Variants in OR3A2 observed in about 807,000 individuals in gnomAD.
OR3A2 encodes the protein olfactory receptor family 3 subfamily A member 2, also known as olfactory receptor 3A2.
For synonymous variants in OR3A2, 126 were observed against 159.3 expected (o/e 0.79, Z 1.57); for missense variants, 318 against 392.8 (o/e 0.81, Z 1.61).
At chr17:3,343,042 T>C (rs2049333238) in intron 2 of OR3A2, among the ~76,000 whole-genome samples, 1 of 152,224 alleles carries the variant, frequency 6.6e-6, no homozygotes, top group Non-Finnish European at 1.5e-5. Flanking sequence ...CAAGGCTCCG[T>C]GGGCATGGGA....
chr17:3,317,713 T>C (rs1341736491), intron 3 of OR3A2, among the ~76,000 whole-genome samples: 1 of 152,186 alleles, frequency 6.6e-6, no homozygotes, highest in East Asian at 1.9e-4. Flanking sequence ...ACAAGTATAG[T>C]GTAGAACATG....
chr17:3,326,669 T>C (rs1164179725), intron 3 of OR3A2, among the ~76,000 whole-genome samples: 1 of 149,210 alleles, frequency 6.7e-6, no homozygotes. Context: ...CGTCATCTAG[T>C]ATTAGGTATA....
intron 2 of OR3A2, among the ~76,000 whole-genome samples, chr17:3,354,098 T>C (rs537259094): frequency 2.0e-5 from 3 of 151,988 alleles, no homozygotes; most frequent in East Asian, 3.9e-4. Context: ...TTGTTGAAGA[T>C]TTCTGCACCA....
chr17:3,307,159 G>T (rs1184291330), intron 3 of OR3A2, among the ~76,000 whole-genome samples: 1 of 152,178 alleles, frequency 6.6e-6, no homozygotes, highest in Non-Finnish European at 1.5e-5. Context: ...ACAGAGGAAG[G>T]CCTCCTAGCC....
intron 3 of OR3A2, among the ~76,000 whole-genome samples, chr17:3,307,142 T>G (rs550466349): frequency 6.6e-6 from 1 of 152,312 alleles, no homozygotes; most frequent in East Asian, 1.9e-4. Flanking sequence ...TGGATTGCTA[T>G]GGGAAGACAG....
chr17:3,305,241 A>G (rs140795198), intron 3 of OR3A2, among the ~76,000 whole-genome samples: 1 of 151,414 alleles, frequency 6.6e-6, no homozygotes, highest in African/African-American at 2.4e-5. Flanking sequence ...GTGGAGAGGT[A>G]TGTCTTCGTT....
At chr17:3,347,814 C>T (rs563864903) in intron 2 of OR3A2, among the ~76,000 whole-genome samples, 2 of 152,202 alleles carry the variant, frequency 1.3e-5, no homozygotes, top group East Asian at 1.9e-4. Context: ...CCTGAGGAAT[C>T]GTCACACTGA....
At chr17:3,372,993 T>C (rs2049646123) in intron 2 of OR3A2, among the ~76,000 whole-genome samples, 1 of 152,132 alleles carries the variant, frequency 6.6e-6, no homozygotes, top group South Asian at 2.1e-4. Flanking sequence ...GAAGCTTTCA[T>C]AGGTTGTGTC....
At chr17:3,319,466 G>C (rs1159521949) in intron 3 of OR3A2, among the ~76,000 whole-genome samples, 1 of 151,914 alleles carries the variant, frequency 6.6e-6, no homozygotes, top group Non-Finnish European at 1.5e-5. Flanking sequence ...ATGTTGGTGT[G>C]CTGCACCCAT....
chr17:3,384,982 G>A (rs981284957), intron 1 of OR3A2, among the ~76,000 whole-genome samples: 2 of 152,002 alleles, frequency 1.3e-5, no homozygotes, highest in African/African-American at 4.8e-5. Flanking sequence ...ACCTGAGATC[G>A]GGAGTTCGAG....
At chr17:3,377,784 T>C (rs1173581236) in intron 2 of OR3A2, among the ~76,000 whole-genome samples, 2 of 152,134 alleles carry the variant, frequency 1.3e-5, no homozygotes, top group African/African-American at 4.8e-5. Context: ...AAATTAAAAA[T>C]TGATAATACC....
In OR3A2 at chr17:3,355,405, T is replaced by C. The variant is rs531100049; in HGVS notation, c.-178-19279A>G. Among the ~76,000 whole-genome samples, 299 of 149,670 alleles carry C rather than the reference T, an allele frequency of 2.0e-3. 1 individual carries two copies. The highest frequency in any genetic ancestry group is 2.9e-3 in the Admixed American group (44 of 14,988). On this transcript the variant is annotated intron_variant, in intron 2 of 4. Transcript: ENST00000573491. The stretch of plus-strand genomic sequence containing the variant: ...GCACTGAAAGTGGGGTATTGAAGTC[T>C]CCCACTATTATCATGTTGGCATTTC...
intron 2 of OR3A2, among the ~76,000 whole-genome samples, chr17:3,366,357 G>C (rs767675354): frequency 6.6e-6 from 1 of 152,118 alleles, no homozygotes; most frequent in Non-Finnish European, 1.5e-5. Flanking sequence ...CCTTTAGCTT[G>C]ATGCAAAAAT....
intron 2 of OR3A2, among the ~76,000 whole-genome samples, chr17:3,350,183 A>G (rs983170112): frequency 6.6e-6 from 1 of 152,004 alleles, no homozygotes; most frequent in African/African-American, 2.4e-5. Context: ...AACTAAAATC[A>G]GAGCAGAACT....
At position 3,361,836 on chromosome 17, in the gene OR3A2, T is replaced by A. The variant is rs548519843; in HGVS notation, c.-179+21968A>T. Among the ~76,000 whole-genome samples the A allele has an allele frequency of 2.7e-4, 41 of 151,660 alleles. 1 individual carries two copies. The highest frequency in any genetic ancestry group is 4.1e-4 in the Non-Finnish European group (28 of 68,012). Reference sequence around the variant, plus strand: ...GGTTTGCCAGTATTTTATTGAGGATTTTTGCATTGATGTTCATCAGGGATA... The same window carrying A: ...GGTTTGCCAGTATTTTATTGAGGATATTTGCATTGATGTTCATCAGGGATA... On this transcript the variant is annotated intron_variant, in intron 2 of 4. Coordinates refer to the OR3A2 transcript ENST00000573491.
In OR3A2 at chr17:3,278,648, G is replaced by GGAAAAGA. The variant is rs2048758089; in HGVS notation, c.269_270insTCTTTTC (p.His91LeufsTer10). 1 of 1,499,004 alleles carries GGAAAAGA rather than the reference G, an allele frequency of 6.7e-7. No individual in the cohort carries two copies. The highest frequency in any genetic ancestry group is 2.3e-5 in the East Asian group (1 of 43,288). 92.9% of individuals were successfully genotyped at this position (1,499,004 alleles called of 1,614,324 possible). Reference sequence around the variant, plus strand: ...CGTCATAGGAAATTGTGGACTTGTGGGACAAGAGACGACCCAACATTGCAG... The same window carrying GGAAAAGA: ...CGTCATAGGAAATTGTGGACTTGTGGGAAAAGAGACAAGAGACGACCCAACATTGCAG... On this transcript the variant is annotated frameshift_variant, in exon 2 of 2. Transcript: ENST00000642052. LOFTEE classifies it low-confidence loss of function (END_TRUNC).
At chr17:3,337,609 A>G (rs767256670) in intron 2 of OR3A2, among the ~76,000 whole-genome samples, 1 of 151,992 alleles carries the variant, frequency 6.6e-6, no homozygotes, top group Non-Finnish European at 1.5e-5. Context: ...TGAACTCATC[A>G]TTTTTTATGG....
At chr17:3,277,617 A>T in exon 2 of OR3A2, 1 of 185,822 alleles carries the variant, frequency 5.4e-6, no homozygotes, top group South Asian at 1.2e-4. Context: ...GCAGAACCTG[A>T]CTTCATATTA....
rs559666329 is a variant in OR3A2, at chr17:3,344,070, T to C, written c.-178-7944A>G. Among the ~76,000 whole-genome samples the C allele has an allele frequency of 2.6e-5, 4 of 152,306 alleles. No homozygotes were observed. In the South Asian group the frequency reaches 6.2e-4, roughly 24 times the overall value. The stretch of plus-strand genomic sequence containing the variant: ...TTGTTTTGATTTTTCCACTCAGTGA[T>C]ATACAGGAGTGCTGTAGTGCCACAT... On this transcript the variant is annotated intron_variant, in intron 2 of 4. Transcript: ENST00000573491.
Sources: allele counts gnomAD v4.1 joint callset (sites outside exome capture counted in the v4.1 genomes callset), GRCh38; gene constraint gnomAD v4.1.1; transcripts MANE v1.5; gene names NCBI Gene and HGNC (gene_info 2026-07-23, HGNC 2026-07-21).